Variants in MADD observed in about 807,000 individuals in gnomAD.
MADD encodes the protein MAP kinase-activating death domain protein.
MADD carries 109 observed loss-of-function variants against 176.7 expected under a neutral mutation model. That is an observed-to-expected ratio of 0.62 (90% CI 0.53 to 0.72). The LOEUF (loss-of-function observed/expected upper bound fraction) is 0.72, where lower values mean the gene tolerates loss of function less well. MADD is among the 30% of genes least tolerant of loss of function. MADD has a pLI of 0.00. For missense variants in MADD, 1,914 were observed against 2,045.5 expected, an observed-to-expected ratio of 0.94 and a Z score of 1.24; for synonymous variants, 771 against 771.3, an observed-to-expected ratio of 1.00 and a Z score of 0.01.
At chr11:47,328,618 G>A in intron 31 of MADD, 40 bp from the exon 36 acceptor site, 2 of 1,613,946 alleles carry the variant, frequency 1.2e-6, no homozygotes, top group Non-Finnish European at 1.7e-6. Flanking sequence ...TGCTCTTAGT[G>A]TTGAACTTTC....
chr11:47,307,677 T>C (rs1433220503), intron 22 of MADD, among the ~76,000 whole-genome samples: 1 of 151,900 alleles, frequency 6.6e-6, no homozygotes, highest in Admixed American at 6.6e-5. Flanking sequence ...GGAGTCTCAT[T>C]CTGTCACCCA....
chr11:47,293,372 C>T (rs923529484), intron 19 of MADD, among the ~76,000 whole-genome samples: 12 of 150,824 alleles, frequency 8.0e-5, no homozygotes, highest in Non-Finnish European at 1.6e-4. Flanking sequence ...TACGATCTTG[C>T]CTCACTGCAA....
chr11:47,274,072 C>G lies in MADD; in HGVS notation c.62+96C>G, dbSNP rs552431492. On this transcript the variant is annotated intron_variant, in intron 2 of 32. Coordinates refer to ENST00000402192, the Ensembl canonical transcript of MADD. ...CCGATTTCCATGTTGCTTTGCATAGCTCATCTTCTCCTGTTATTTTACCCT... is the reference window on the plus strand; with the variant it reads ...CCGATTTCCATGTTGCTTTGCATAGGTCATCTTCTCCTGTTATTTTACCCT... 6.1e-6 allele frequency: 7 copies of G among 1,138,648 alleles called. No individual in the cohort carries two copies. The East Asian group carries it at 1.2e-4, about 20-fold the overall frequency. The allele number at this position is 1,138,648 out of a possible 1,614,324, so 70.5% of individuals were successfully genotyped here.
At chr11:47,293,100 G>A (rs1273323628) in intron 19 of MADD, among the ~76,000 whole-genome samples, 4 of 152,122 alleles carry the variant, frequency 2.6e-5, no homozygotes, top group African/African-American at 9.7e-5. Flanking sequence ...AAACATAGAA[G>A]TTGTAGGATG....
exon 12 of MADD, chr11:47,284,422 G>A: frequency 6.2e-7 from 1 of 1,614,148 alleles, no homozygotes; most frequent in East Asian, 2.2e-5. Context: ...CAGCGAGGTG[G>A]AGATTGACGA....
rs143291122 is a variant in MADD, at chr11:47,285,312, C to T, written c.2411+118C>T. 1,702 of 1,549,918 alleles carry T rather than the reference C, an allele frequency of 1.1e-3. 25 individuals are homozygous for T. In the African/African-American group the frequency reaches 0.021, roughly 19 times the overall value. On this transcript the variant is annotated intron_variant, in intron 13 of 32. Transcript: ENST00000402192. ...TGAATGCTCTCGTGGTCCTGCCATC[C>T]CCAGAGGATGGTGTTCTGATCCAGG...
upstream of MADD, chr11:47,269,800 A>C (rs1958490236): frequency 6.6e-6 from 1 of 152,088 alleles, no homozygotes; most frequent in South Asian, 2.1e-4. Context: ...AGGAAGTCTC[A>C]GGGGCCGATT....
intron 22 of MADD, among the ~76,000 whole-genome samples, chr11:47,303,034 T>G (rs896269992): frequency 4.6e-5 from 7 of 152,192 alleles, no homozygotes; most frequent in Non-Finnish European, 8.8e-5. Flanking sequence ...TCCTCATTTT[T>G]TTTTTCATGT....
chr11:47,316,128 G>A (rs537654242), intron 27 of MADD, among the ~76,000 whole-genome samples: 7 of 151,824 alleles, frequency 4.6e-5, no homozygotes, highest in Admixed American at 2.6e-4. Flanking sequence ...GAGCCACTGC[G>A]CCCGGCCCCA....
At position 47,319,807 on chromosome 11, in the gene MADD, G is replaced by A. The variant is rs548952871; in HGVS notation, c.4198-3864G>A. On this transcript the variant is annotated intron_variant, in intron 27 of 32. Coordinates refer to ENST00000402192, the Ensembl canonical transcript of MADD. ...GGAGTTCCAGACAAGCCTAGCCAAC[G>A]TGGTGACACCCTGTTTCTACTAAAA... Among the ~76,000 whole-genome samples the A allele has an allele frequency of 1.3e-4, 20 of 151,914 alleles. No homozygotes were observed. The South Asian group carries it at 3.9e-3, about 30-fold the overall frequency.
Position 47,290,303 on chromosome 11 carries a change from G to C in MADD, c.3094+4G>C. ...CAGACCCACTACTATAGTAAAGGTAGGGATCGTACTTGCTGGGCACCACGC... is the reference window on the plus strand; with the variant it reads ...CAGACCCACTACTATAGTAAAGGTACGGATCGTACTTGCTGGGCACCACGC... On this transcript the variant is annotated splice_donor_region_variant and intron_variant, in intron 18 of 32. Coordinates refer to ENST00000402192, the Ensembl canonical transcript of MADD. 6.2e-7 allele frequency: 1 copy of C among 1,613,120 alleles called. No individual in the cohort carries two copies. Among genetic ancestry groups the C allele is most frequent in the Non-Finnish European group, 8.5e-7 (1 of 1,179,318 alleles).
At chr11:47,286,013 G>T (rs1252068841) in intron 14 of MADD, among the ~76,000 whole-genome samples, 2 of 152,212 alleles carry the variant, frequency 1.3e-5, no homozygotes. Context: ...AGTATTCCCA[G>T]CAGTGCAGGG....
chr11:47,327,029 G>C, intron 31 of MADD: 18 of 1,305,478 alleles, frequency 1.4e-5, no homozygotes, highest in Non-Finnish European at 1.8e-5. Flanking sequence ...GCCTCAGGTG[G>C]GTTTCGAGTT....
intron 22 of MADD, among the ~76,000 whole-genome samples, chr11:47,301,898 A>G (rs564697268): frequency 6.6e-6 from 1 of 152,310 alleles, no homozygotes; most frequent in African/African-American, 2.4e-5. Flanking sequence ...GTGTTGATGA[A>G]AAGAATGTGT....
chr11:47,292,074 C>T (rs1448054644), intron 19 of MADD, among the ~76,000 whole-genome samples: 2 of 152,190 alleles, frequency 1.3e-5, no homozygotes, highest in Admixed American at 1.3e-4. Context: ...GATTGGTGTT[C>T]TTCCTTCTGA....
chr11:47,310,016 A>G (rs887717472), intron 25 of MADD, among the ~76,000 whole-genome samples: 3 of 151,260 alleles, frequency 2.0e-5, no homozygotes, highest in African/African-American at 7.3e-5. Context: ...TAGTTTTTGT[A>G]TTTTTAGTAG....
chr11:47,276,634 C>A, intron 4 of MADD, 98 bp from the exon 5 acceptor site: 1 of 1,452,358 alleles, frequency 6.9e-7, no homozygotes, highest in African/African-American at 1.4e-5. Flanking sequence ...GAGCTGTAGG[C>A]TCGATGAAGT....
intron 22 of MADD, among the ~76,000 whole-genome samples, chr11:47,304,441 G>A (rs1396110650): frequency 3.3e-5 from 5 of 151,896 alleles, no homozygotes; most frequent in African/African-American, 1.2e-4. Context: ...ATGTTGCTTC[G>A]GCTGGCCTTG....
intron 22 of MADD, among the ~76,000 whole-genome samples, chr11:47,296,260 C>T (rs2071684960): frequency 6.6e-6 from 1 of 152,166 alleles, no homozygotes; most frequent in Non-Finnish European, 1.5e-5. Flanking sequence ...TTAGAACCCT[C>T]TCCTGAATCA....
Sources: allele counts gnomAD v4.1 joint callset (sites outside exome capture counted in the v4.1 genomes callset), GRCh38; gene constraint gnomAD v4.1.1; transcripts MANE v1.5; gene names NCBI Gene and HGNC (gene_info 2026-07-23, HGNC 2026-07-21).